The following SERPINI1 variants were observed in gnomAD, a reference collection of about 807,000 sequenced individuals.
SERPINI1 encodes the protein serpin family I member 1.
In SERPINI1, 19 loss-of-function variants were observed where a neutral mutation model predicts 41.1. The observed-to-expected ratio is 0.46, with a 90% CI of 0.32 to 0.68. SERPINI1 has a LOEUF of 0.68. Among genes scored for constraint, SERPINI1 ranks in the 30% least tolerant of loss-of-function variants. The pLI is 0.03. For missense variants in SERPINI1, 460 were observed against 479.2 expected, an observed-to-expected ratio of 0.96 and a Z score of 0.37; for synonymous variants, 138 against 156.6, an observed-to-expected ratio of 0.88 and a Z score of 0.89.
chr3:167,783,938 C>G (rs1727221806), intron 1 of SERPINI1, among the ~76,000 whole-genome samples: 1 of 152,200 alleles, frequency 6.6e-6, no homozygotes, highest in Non-Finnish European at 1.5e-5. Context: ...CAATTCACAG[C>G]CACATGGTCC....
At chr3:167,823,564 G>C (rs900944582) in intron 7 of SERPINI1, among the ~76,000 whole-genome samples, 1 of 151,756 alleles carries the variant, frequency 6.6e-6, no homozygotes, top group East Asian at 1.9e-4. Flanking sequence ...GGGTAAATGG[G>C]GTATTCATCA....
chr3:167,765,259 C>G (rs964754719), intron 1 of SERPINI1, among the ~76,000 whole-genome samples: 4 of 152,258 alleles, frequency 2.6e-5, no homozygotes, highest in Non-Finnish European at 1.5e-5. Context: ...AAACTTCTGC[C>G]TGGGCAATCA....
intron 6 of SERPINI1, among the ~76,000 whole-genome samples, chr3:167,814,980 A>C (rs1402072511): frequency 6.6e-6 from 1 of 152,222 alleles, no homozygotes; most frequent in Non-Finnish European, 1.5e-5. Context: ...GTTTGAGAGA[A>C]TAGCTAACTT....
At chr3:167,763,750 G>C (rs1014654847) in intron 1 of SERPINI1, among the ~76,000 whole-genome samples, 30 of 152,136 alleles carry the variant, frequency 2.0e-4, no homozygotes, top group African/African-American at 7.2e-4. Flanking sequence ...AGAGTTTGGT[G>C]ATGTAACCCC....
Position 167,825,159 on chromosome 3 carries a change from A to G in SERPINI1, c.1157-88A>G, listed in dbSNP as rs554921759. 35 of 886,796 alleles carry G rather than the reference A, an allele frequency of 3.9e-5. No individual in the cohort carries two copies. In the East Asian group the frequency reaches 8.0e-4, roughly 20 times the overall value. The allele number at this position is 886,796 out of a possible 1,614,324, so 54.9% of individuals were successfully genotyped here. A position where few individuals can be genotyped will look rare whatever the true frequency, so the allele number is the denominator to read the frequency against. On this transcript the variant is annotated intron_variant, in intron 8 of 8. Transcript: ENST00000446050. ...AGGAAGGAAGGAAGGAGAAAATAAC[A>G]TATTTTCATTAATTGTAAGCAAGAA...
At chr3:167,764,953 T>G (rs964671947) in intron 1 of SERPINI1, among the ~76,000 whole-genome samples, 3 of 152,236 alleles carry the variant, frequency 2.0e-5, no homozygotes, top group Non-Finnish European at 4.4e-5. Flanking sequence ...CAGGTCACAC[T>G]GATGCAAGAG....
intron 1 of SERPINI1, among the ~76,000 whole-genome samples, chr3:167,740,400 A>G (rs1213759175): frequency 6.6e-6 from 1 of 152,210 alleles, no homozygotes; most frequent in Non-Finnish European, 1.5e-5. Context: ...CTTTCTCACC[A>G]GATACTTAGT....
intron 6 of SERPINI1, among the ~76,000 whole-genome samples, chr3:167,819,525 CTATT>C (rs1712237671): frequency 6.6e-6 from 1 of 152,260 alleles, no homozygotes; most frequent in Non-Finnish European, 1.5e-5. Flanking sequence ...GTGAAATGGA[CTATT>C]TAATAATGCA....
At chr3:167,747,386 T>C (rs1197802631) in intron 1 of SERPINI1, among the ~76,000 whole-genome samples, 2 of 152,204 alleles carry the variant, frequency 1.3e-5, no homozygotes, top group Non-Finnish European at 2.9e-5. Context: ...GGCTCAAGCC[T>C]GTAATCCCAG....
intron 5 of SERPINI1, among the ~76,000 whole-genome samples, chr3:167,796,860 T>A (rs894704658): frequency 1.3e-5 from 2 of 152,198 alleles, no homozygotes; most frequent in African/African-American, 4.8e-5. Flanking sequence ...GAATGATTTG[T>A]AATCCTTTGG....
At chr3:167,793,009 A>T (rs1352507938) in intron 4 of SERPINI1, among the ~76,000 whole-genome samples, 3 of 152,140 alleles carry the variant, frequency 2.0e-5, no homozygotes, top group Admixed American at 6.6e-5. Context: ...ACACCTGCAG[A>T]GTAGCTTTAT....
At chr3:167,766,210 C>A (rs1726561565) in intron 1 of SERPINI1, among the ~76,000 whole-genome samples, 1 of 139,732 alleles carries the variant, frequency 7.2e-6, no homozygotes. Context: ...GTACCCAAGA[C>A]TGGGCAATTT....
At chr3:167,799,143 T>C (rs983351790) in intron 5 of SERPINI1, among the ~76,000 whole-genome samples, 1 of 152,106 alleles carries the variant, frequency 6.6e-6, no homozygotes, top group East Asian at 1.9e-4. Flanking sequence ...GCTGCACCCA[T>C]CAACCCATCA....
At chr3:167,794,922 A>G (rs1727662833) in intron 5 of SERPINI1, 98 bp downstream of exon 5, 2 of 874,640 alleles carry the variant, frequency 2.3e-6, no homozygotes, top group Middle Eastern at 3.3e-4. Context: ...TCGAATTATA[A>G]TTCTTGTGCC....
intron 6 of SERPINI1, among the ~76,000 whole-genome samples, chr3:167,816,387 T>G (rs1712090919): frequency 6.6e-6 from 1 of 152,082 alleles, no homozygotes; most frequent in South Asian, 2.1e-4. Flanking sequence ...ATGAACAGAG[T>G]TGTGGTCATA....
chr3:167,783,420 G>A (rs1727206719), intron 1 of SERPINI1, among the ~76,000 whole-genome samples: 1 of 152,170 alleles, frequency 6.6e-6, no homozygotes, highest in African/African-American at 2.4e-5. Flanking sequence ...AGGCATCAAC[G>A]AATAAATATC....
intron 1 of SERPINI1, among the ~76,000 whole-genome samples, chr3:167,754,961 T>C (rs900848254): frequency 3.3e-5 from 5 of 152,208 alleles, no homozygotes; most frequent in Non-Finnish European, 7.3e-5. Flanking sequence ...CTTTCTTTCT[T>C]TCCTGCTGTT....
intron 6 of SERPINI1, among the ~76,000 whole-genome samples, chr3:167,814,180 CACTT>C (rs1711991058): frequency 6.6e-6 from 1 of 152,136 alleles, no homozygotes; most frequent in Non-Finnish European, 1.5e-5. Flanking sequence ...TTTATTGATT[CACTT>C]TTTTATTGTT....
At chr3:167,744,335 GTTTTA>G (rs897692566) in intron 1 of SERPINI1, among the ~76,000 whole-genome samples, 3 of 151,672 alleles carry the variant, frequency 2.0e-5, no homozygotes, top group African/African-American at 7.2e-5. Context: ...TAAACGTTAG[GTTTTA>G]TTTTATGATA....
Sources: allele counts gnomAD v4.1 joint callset (sites outside exome capture counted in the v4.1 genomes callset), GRCh38; gene constraint gnomAD v4.1.1; transcripts MANE v1.5; gene names NCBI Gene and HGNC (gene_info 2026-07-23, HGNC 2026-07-21).